The following NUB1 variants were observed in gnomAD, a reference collection of about 807,000 sequenced individuals.
NUB1 encodes the protein NEDD8 ultimate buster 1.
A neutral mutation model predicts 77.1 loss-of-function variants in NUB1; 41 were observed. The ratio of observed to expected loss-of-function variants is 0.53; its 90% CI spans 0.41 to 0.69. The LOEUF is 0.69. Ranked by LOEUF, NUB1 falls within the 30% of genes least tolerant of loss-of-function variation. The probability of loss-of-function intolerance (pLI) is 0.00; values close to 1 mark genes in which losing one functional copy is unlikely to be tolerated. For missense variants in NUB1, 643 were observed against 743.8 expected (o/e 0.86, Z 1.58); for synonymous variants, 257 against 281.0 (o/e 0.91, Z 0.85).
chr7:151,348,850 C>T (rs1796644675), intron 2 of NUB1, among the ~76,000 whole-genome samples: 1 of 152,086 alleles, frequency 6.6e-6, no homozygotes, highest in Admixed American at 6.5e-5. Context: ...GCTGGGATTA[C>T]AGGCATGAGC....
rs948268351 is a variant in NUB1, at chr7:151,351,337, C to T, written c.286-87C>T. 21 of 982,158 alleles carry T rather than the reference C, an allele frequency of 2.1e-5. 1 individual carries two copies. Among genetic ancestry groups the T allele is most frequent in the African/African-American group, 2.1e-4 (13 of 61,634 alleles). The allele number at this position is 982,158 out of a possible 1,614,324, so 60.8% of individuals were successfully genotyped here. A position where few individuals can be genotyped will look rare whatever the true frequency, so the allele number is the denominator to read the frequency against. ...TAACAGTGAACTCAGTTTATATCCTCTGCCGTCAGCTTTTCTGATTTCACA... is the reference window on the plus strand; with the variant it reads ...TAACAGTGAACTCAGTTTATATCCTTTGCCGTCAGCTTTTCTGATTTCACA... On this transcript the variant is annotated intron_variant, in intron 3 of 14. Coordinates refer to ENST00000568733, the MANE Select transcript of NUB1 (RefSeq NM_001243351.2).
At chr7:151,367,605 G>A (rs1302158136) in intron 9 of NUB1, among the ~76,000 whole-genome samples, 1 of 152,152 alleles carries the variant, frequency 6.6e-6, no homozygotes, top group Non-Finnish European at 1.5e-5. Context: ...CTGCTGACCA[G>A]AAGGGCCACT....
intron 6 of NUB1, 30 bp downstream of exon 6, chr7:151,355,980 TCAG>T: frequency 6.2e-7 from 1 of 1,608,648 alleles, no homozygotes; most frequent in Non-Finnish European, 8.5e-7. Flanking sequence ...TGTCACCCAC[TCAG>T]CTGCTTGGGG....
chr7:151,362,509 T>C (rs1414689450), intron 8 of NUB1, among the ~76,000 whole-genome samples: 1 of 152,218 alleles, frequency 6.6e-6, no homozygotes, highest in African/African-American at 2.4e-5. Context: ...TGACCAAGAA[T>C]AGTTTCTTTC....
At chr7:151,352,253 C>T (rs1796846651) in intron 4 of NUB1, 3 of 435,310 alleles carry the variant, frequency 6.9e-6, no homozygotes, top group Non-Finnish European at 9.4e-6. Context: ...GGATCTACAG[C>T]ACTGTGGTCT....
At chr7:151,365,191 A>G (rs1797610131) in intron 8 of NUB1, among the ~76,000 whole-genome samples, 1 of 152,070 alleles carries the variant, frequency 6.6e-6, no homozygotes, top group African/African-American at 2.4e-5. Context: ...AGGTTTAAAT[A>G]TAGTTTTATA....
At chr7:151,364,161 G>A (rs10224319) in intron 8 of NUB1, among the ~76,000 whole-genome samples, 1 of 149,854 alleles carries the variant, frequency 6.7e-6, no homozygotes, top group East Asian at 2.1e-4. Flanking sequence ...GGTGGCTCAC[G>A]CCTGTAATCC....
Position 151,345,432 on chromosome 7 carries a change from C to G in NUB1, c.83C>G (p.Thr28Arg), listed in dbSNP as rs1796457358. ...DRIQLWKPPY[T>R]DENKKVGLAL... ...ATTCAACTTTGGAAACCTCCATATA[C>G]AGATGAAAATAAAAAAGTTGGTTTG... The change falls in exon 2 of 15, where the codon ACA becomes AGA. Residue 28 changes from threonine (T) to arginine (R), a missense_variant. By Grantham distance (71) the Thr-to-Arg change is moderately conservative. Transcript: ENST00000568733. 2 of 1,605,228 alleles carry G rather than the reference C, an allele frequency of 1.2e-6. No homozygotes were observed. Among genetic ancestry groups the G allele is most frequent in the East Asian group, 2.2e-5 (1 of 44,630 alleles).
intron 8 of NUB1, chr7:151,360,525 C>A (rs1401518703): frequency 3.2e-6 from 1 of 311,974 alleles, no homozygotes; most frequent in Non-Finnish European, 5.9e-6. Context: ...TATAAAGTTT[C>A]CTGTCAGCTT....
At chr7:151,361,221 A>G (rs1341450730) in intron 8 of NUB1, 1 of 152,222 alleles carries the variant, frequency 6.6e-6, no homozygotes, top group Non-Finnish European at 1.5e-5. Context: ...TTTCAGAATA[A>G]ATGAGTTGCT....
At chr7:151,355,429 T>A (rs1326576749) in intron 5 of NUB1, among the ~76,000 whole-genome samples, 1 of 152,238 alleles carries the variant, frequency 6.6e-6, no homozygotes, top group East Asian at 1.9e-4. Context: ...AACCCAGCAC[T>A]TTGTGAGGCT....
intron 2 of NUB1, among the ~76,000 whole-genome samples, chr7:151,346,591 G>A (rs1796514273): frequency 6.6e-6 from 1 of 152,170 alleles, no homozygotes; most frequent in Admixed American, 6.5e-5. Context: ...CCTGCATAAT[G>A]AAACTTCCAT....
chr7:151,375,987 TG>T, intron 13 of NUB1, 44 bp downstream of exon 13: 3 of 1,191,920 alleles, frequency 2.5e-6, no homozygotes, highest in Non-Finnish European at 3.8e-6. Flanking sequence ...CAGCCTCGGG[TG>T]GGGTTGCTTG....
chr7:151,341,902 G>C, intron 1 of NUB1, 56 bp downstream of exon 1: 1 of 1,434,498 alleles, frequency 7.0e-7, no homozygotes, highest in Non-Finnish European at 9.1e-7. Flanking sequence ...ACTGCTTGGC[G>C]CCCCGGTTCC....
chr7:151,377,875 G>A lies in NUB1; in HGVS notation c.*650G>A, dbSNP rs924377274. The A allele has an allele frequency of 1.3e-5, 2 of 152,196 alleles. No individual in the cohort carries two copies. Among genetic ancestry groups the A allele is most frequent in the Non-Finnish European group, 1.5e-5 (1 of 68,046 alleles). 9.4% of individuals were successfully genotyped at this position (152,196 alleles called of 1,614,324 possible). The stretch of plus-strand genomic sequence containing the variant: ...ACGCCCCCGAAATTCAAGATTGAGT[G>A]TCAGGCTTTATATATATTCAGCATT... On this transcript the variant is annotated 3_prime_UTR_variant, in exon 15 of 15. Transcript: ENST00000568733.
Position 151,341,825 on chromosome 7 carries a change from CGGCGGGAGT to C in NUB1, c.-19_-11del. ...CCGCATCCGGGCACTCTGCTGGTCG[CGGCGGGAGT>C]GGCGTGGCGCAGGTGAGGACACGGC... On this transcript the variant is annotated 5_prime_UTR_variant, in exon 1 of 15. Transcript: ENST00000568733. 6.6e-7 allele frequency: 1 copy of C among 1,507,170 alleles called. No individual in the cohort carries two copies. 93.4% of individuals were successfully genotyped at this position (1,507,170 alleles called of 1,614,324 possible).
At chr7:151,344,097 C>T (rs1371679052) in intron 1 of NUB1, among the ~76,000 whole-genome samples, 5 of 133,796 alleles carry the variant, frequency 3.7e-5, no homozygotes, top group African/African-American at 1.1e-4. Flanking sequence ...AGGAGAATGG[C>T]GTGAACCCGG....
chr7:151,344,010 T>C (rs1796337725), intron 1 of NUB1, among the ~76,000 whole-genome samples: 1 of 151,112 alleles, frequency 6.6e-6, no homozygotes, highest in Non-Finnish European at 1.5e-5. Flanking sequence ...TGAAACCCCA[T>C]CTCTACTAAA....
intron 7 of NUB1, among the ~76,000 whole-genome samples, chr7:151,357,855 C>T (rs2150682927): frequency 6.6e-6 from 1 of 152,006 alleles, no homozygotes; most frequent in South Asian, 2.1e-4. Context: ...GGTGATCCAC[C>T]CACCTCGGCC....
Sources: gnomAD v4.1 joint callset for allele counts (sites outside exome capture counted in the v4.1 genomes callset) on GRCh38, gnomAD v4.1.1 for gene constraint, MANE v1.5 for transcripts, NCBI Gene and HGNC (gene_info 2026-07-23, HGNC 2026-07-21) for gene names.